RBFOX1: variants seen among roughly 807,000 people sequenced by gnomAD.
RBFOX1 encodes the protein RNA binding fox-1 homolog 1.
Under a neutral mutation model 57.7 loss-of-function variants are expected in RBFOX1, and 8 were observed. The ratio of observed to expected loss-of-function variants is 0.14; its 90% CI spans 0.08 to 0.25. The LOEUF (loss-of-function observed/expected upper bound fraction) is 0.25, where lower values mean the gene tolerates loss of function less well. Among genes scored for constraint, RBFOX1 ranks in the 10% least tolerant of loss-of-function variants. The pLI is 1.00. For synonymous variants in RBFOX1, 326 were observed against 222.4 expected (o/e 1.47, Z -4.15); for missense variants, 611 against 548.5 (o/e 1.11, Z -1.14).
chr16:5,265,134 T>A lies in RBFOX1; in HGVS notation c.219+25029T>A, dbSNP rs188710862. Among the ~76,000 whole-genome samples the A allele has an allele frequency of 9.7e-4, 147 of 152,188 alleles. 3 individuals carry two copies. The East Asian group carries it at 0.027, about 28-fold the overall frequency. On this transcript the variant is annotated intron_variant, in intron 1 of 2. Transcript: ENST00000585867. ...TTACTGGTTTATAAAATAGAAAAAA[T>A]CTGAGAATCTGTAGCTTAGAGAACT...
chr16:7,157,053 T>C (rs1204050109), intron 4 of RBFOX1, among the ~76,000 whole-genome samples: 1 of 152,210 alleles, frequency 6.6e-6, no homozygotes, highest in East Asian at 1.9e-4. Flanking sequence ...TCTCCTGTTT[T>C]TCCCCTATTA....
intron 3 of RBFOX1, among the ~76,000 whole-genome samples, chr16:6,995,683 C>A (rs73534912): frequency 6.6e-6 from 1 of 151,956 alleles, no homozygotes; most frequent in African/African-American, 2.4e-5. Flanking sequence ...TCACTTGAAC[C>A]TGGGAGCACA....
At position 5,425,486 on chromosome 16, in the gene RBFOX1, G is replaced by A. The variant is rs187255803; in HGVS notation, c.220-41730G>A. Among the ~76,000 whole-genome samples the A allele has an allele frequency of 1.3e-3, 194 of 152,272 alleles. 1 individual carries two copies. The highest frequency in any genetic ancestry group is 4.5e-3 in the African/African-American group (187 of 41,546). On this transcript the variant is annotated intron_variant, in intron 1 of 2. Transcript: ENST00000585867. The stretch of plus-strand genomic sequence containing the variant: ...CCTGCCATAGCCCCCAAGTCTCTTG[G>A]TAAGTTGATGACCTCCAGGGAAAGA...
chr16:7,132,341 T>C (rs1435839937), intron 4 of RBFOX1, among the ~76,000 whole-genome samples: 2 of 151,988 alleles, frequency 1.3e-5, no homozygotes. Context: ...TGAACTCCTA[T>C]GTTCACTGCA....
At chr16:6,328,507 C>G (rs1282875237) in intron 2 of RBFOX1, among the ~76,000 whole-genome samples, 1 of 151,998 alleles carries the variant, frequency 6.6e-6, no homozygotes, top group South Asian at 2.1e-4. Context: ...CTCAATAGAC[C>G]CTATGGGTCA....
intron 3 of RBFOX1, among the ~76,000 whole-genome samples, chr16:6,813,778 C>A (rs77503162): frequency 0.035 from 5,365 of 152,294 alleles, 244 homozygotes; most frequent in South Asian, 0.14. Flanking sequence ...CAGCAGGCAC[C>A]TGCAGAGATG....
intron 1 of RBFOX1, among the ~76,000 whole-genome samples, chr16:5,358,920 T>C (rs916218846): frequency 6.6e-6 from 1 of 152,204 alleles, no homozygotes; most frequent in African/African-American, 2.4e-5. Flanking sequence ...TTTGTATGTG[T>C]TTTGATACCC....
intron 3 of RBFOX1, among the ~76,000 whole-genome samples, chr16:6,887,620 C>A (rs1440806826): frequency 4.0e-5 from 6 of 151,612 alleles, no homozygotes; most frequent in African/African-American, 1.5e-4. Context: ...AAGTTAGTAA[C>A]CCTAGTTTTA....
At chr16:7,352,141 C>A (rs1445372873) in intron 4 of RBFOX1, among the ~76,000 whole-genome samples, 9 of 152,178 alleles carry the variant, frequency 5.9e-5, no homozygotes, top group Admixed American at 2.6e-4. Flanking sequence ...CAGAAACATA[C>A]TAAAGGATCT....
chr16:6,798,561 GCTAA>G (rs2084631404), intron 3 of RBFOX1, among the ~76,000 whole-genome samples: 2 of 152,296 alleles, frequency 1.3e-5, no homozygotes, highest in African/African-American at 4.8e-5. Flanking sequence ...CTGCAGCCAT[GCTAA>G]CTAAGATAAC....
chr16:6,745,376 C>G (rs369056657), intron 3 of RBFOX1, among the ~76,000 whole-genome samples: 7 of 152,204 alleles, frequency 4.6e-5, no homozygotes, highest in African/African-American at 1.4e-4. Context: ...ACTAGTCTTC[C>G]TCATGAATAC....
rs1335594299 is a variant in RBFOX1 at position 5,947,441 on chromosome 16, C to T, written c.351+80106C>T. ...GGAGTGCATTGGTATGATCATGGCT[C>T]ACTACAGCCTCGAAATCTTGTGCTC... On this transcript the variant is annotated intron_variant, in intron 4 of 19. Coordinates refer to the RBFOX1 transcript ENST00000641259. This position sits in a 1 kb window ranked among gnomAD's most constrained non-coding sequence, Gnocchi z 7.2. Among the ~76,000 whole-genome samples, 1 of 152,138 alleles carries T rather than the reference C, an allele frequency of 6.6e-6. No individual in the cohort carries two copies. Among genetic ancestry groups the T allele is most frequent in the African/African-American group, 2.4e-5 (1 of 41,424 alleles).
intron 3 of RBFOX1, among the ~76,000 whole-genome samples, chr16:5,769,619 A>C (rs12597084): frequency 0.66 from 100,760 of 151,916 alleles, 35,479 homozygotes; most frequent in African/African-American, 0.92. Flanking sequence ...TGCCATTGGA[A>C]TCTAGTCTGG....
chr16:6,720,303 G>A (rs987896808), intron 3 of RBFOX1, among the ~76,000 whole-genome samples: 16 of 151,900 alleles, frequency 1.1e-4, no homozygotes, highest in African/African-American at 3.1e-4. Flanking sequence ...TTTCTGCTAC[G>A]TAAGACATGC....
chr16:6,824,114 T>C (rs369672993), intron 3 of RBFOX1, among the ~76,000 whole-genome samples: 2 of 152,192 alleles, frequency 1.3e-5, no homozygotes, highest in East Asian at 3.8e-4. Context: ...AGAATGTAAA[T>C]AGTTATTTGG....
intron 4 of RBFOX1, among the ~76,000 whole-genome samples, chr16:7,118,003 C>G (rs1021677248): frequency 6.6e-6 from 1 of 152,174 alleles, no homozygotes; most frequent in Non-Finnish European, 1.5e-5. Context: ...TTGATTTCCT[C>G]TCTTTGCAAT....
chr16:6,769,198 C>T (rs1312631979), intron 3 of RBFOX1, among the ~76,000 whole-genome samples: 2 of 152,016 alleles, frequency 1.3e-5, no homozygotes, highest in Non-Finnish European at 2.9e-5. Flanking sequence ...TCATGAGATC[C>T]GATGGTTTTA....
At chr16:6,343,501 C>G (rs145039332) in intron 2 of RBFOX1, among the ~76,000 whole-genome samples, 3 of 152,204 alleles carry the variant, frequency 2.0e-5, no homozygotes, top group Non-Finnish European at 4.4e-5. Context: ...CTTCTTATCC[C>G]TCCTGAGGTG....
intron 5 of RBFOX1, among the ~76,000 whole-genome samples, chr16:7,572,622 G>A (rs928336051): frequency 1.3e-5 from 2 of 152,178 alleles, no homozygotes; most frequent in Admixed American, 6.5e-5. Flanking sequence ...GGCGGATCAC[G>A]AGGTCAGGAG....
Sources: gnomAD v4.1 joint callset for allele counts (sites outside exome capture counted in the v4.1 genomes callset) on GRCh38, gnomAD v4.1.1 for gene constraint, Gnocchi (gnomAD v3.1) non-coding constraint, MANE v1.5 for transcripts, NCBI Gene and HGNC (gene_info 2026-07-23, HGNC 2026-07-21) for gene names.